Variants in KHDRBS3 observed in about 807,000 individuals in gnomAD.
KHDRBS3 encodes the protein KH domain-containing, RNA-binding, signal transduction-associated protein 3.
In KHDRBS3, 23 loss-of-function variants were observed where a neutral mutation model predicts 45.6. The ratio of observed to expected loss-of-function variants is 0.50; its 90% CI spans 0.36 to 0.72. The LOEUF (loss-of-function observed/expected upper bound fraction) is 0.72. Among genes scored for constraint, KHDRBS3 ranks in the 30% least tolerant of loss-of-function variants. The pLI, the probability that KHDRBS3 is intolerant of heterozygous loss-of-function variation, is 0.00. For missense variants in KHDRBS3, 352 were observed against 424.8 expected, an observed-to-expected ratio of 0.83 and a Z score of 1.51; for synonymous variants, 162 against 156.5, an observed-to-expected ratio of 1.04 and a Z score of -0.26.
chr8:135,644,686 T>A (rs1205968214), intron 7 of KHDRBS3, among the ~76,000 whole-genome samples: 1 of 152,222 alleles, frequency 6.6e-6, no homozygotes, highest in Admixed American at 6.5e-5. Flanking sequence ...CCCTAGCTCT[T>A]GGCACACTGG....
chr8:135,527,141 T>TAA (rs1196145487), intron 2 of KHDRBS3, among the ~76,000 whole-genome samples: 4 of 152,192 alleles, frequency 2.6e-5, no homozygotes. Flanking sequence ...CTAGCATTTA[T>TAA]AAAGAGTCTT....
At chr8:135,650,152 CAG>C (rs2131217406), downstream of KHDRBS3, among the ~76,000 whole-genome samples, 1 of 152,258 alleles carries the variant, frequency 6.6e-6, no homozygotes, top group South Asian at 2.1e-4. Context: ...CTGGACACAA[CAG>C]AGGCACTGGT....
intron 1 of KHDRBS3, among the ~76,000 whole-genome samples, chr8:135,514,494 A>G (rs1280747129): frequency 6.6e-6 from 1 of 152,216 alleles, no homozygotes; most frequent in Admixed American, 6.5e-5. Flanking sequence ...TTCCTCTTAT[A>G]TGACACAGCT....
intron 1 of KHDRBS3, among the ~76,000 whole-genome samples, chr8:135,520,510 A>T (rs979084536): frequency 7.9e-5 from 12 of 151,604 alleles, no homozygotes; most frequent in African/African-American, 2.7e-4. Flanking sequence ...GAGGTAGCAC[A>T]TTTTTTTTTC....
At chr8:135,636,145 G>A (rs1227332611) in intron 7 of KHDRBS3, among the ~76,000 whole-genome samples, 2 of 152,138 alleles carry the variant, frequency 1.3e-5, no homozygotes, top group East Asian at 1.9e-4. Flanking sequence ...ACGTAACAAT[G>A]ATGTTTATGG....
chr8:135,620,818 A>G lies in KHDRBS3; in HGVS notation c.890+13781A>G, dbSNP rs563884059. Among the ~76,000 whole-genome samples the G allele has an allele frequency of 2.1e-4, 32 of 152,120 alleles. No individual in the cohort carries two copies. The South Asian group carries it at 5.2e-3, about 25-fold the overall frequency. ...GTACTAAGGCTTCTGTGTTTCCGCAATGCTCTGTGCTTGCTCTGTCCTCCA... is the reference window on the plus strand; with the variant it reads ...GTACTAAGGCTTCTGTGTTTCCGCAGTGCTCTGTGCTTGCTCTGTCCTCCA... On this transcript the variant is annotated intron_variant, in intron 7 of 8. Transcript: ENST00000355849.
intron 4 of KHDRBS3, among the ~76,000 whole-genome samples, chr8:135,555,359 A>G (rs578192483): frequency 6.6e-6 from 1 of 151,650 alleles, no homozygotes; most frequent in East Asian, 1.9e-4. Flanking sequence ...CTCTTAAAAT[A>G]TTGAAACATT....
At chr8:135,629,047 G>C (rs952327069) in intron 7 of KHDRBS3, among the ~76,000 whole-genome samples, 9 of 152,180 alleles carry the variant, frequency 5.9e-5, no homozygotes, top group African/African-American at 1.9e-4. Context: ...TCTTCCCTTT[G>C]ATTCAGCCAA....
chr8:135,478,295 C>G (rs954555942), intron 1 of KHDRBS3, among the ~76,000 whole-genome samples: 3 of 152,202 alleles, frequency 2.0e-5, no homozygotes, highest in Admixed American at 2.0e-4. Flanking sequence ...TGTTAAACCA[C>G]TAAGTTTGTA....
intron 6 of KHDRBS3, among the ~76,000 whole-genome samples, chr8:135,604,570 A>G (rs1487777971): frequency 7.1e-6 from 1 of 140,960 alleles, no homozygotes; most frequent in African/African-American, 2.6e-5. Context: ...CTACATTTTT[A>G]TTTTTAAATT....
chr8:135,554,259 T>C (rs1255306294), intron 4 of KHDRBS3, among the ~76,000 whole-genome samples: 9 of 152,158 alleles, frequency 5.9e-5, no homozygotes, highest in Admixed American at 5.9e-4. Flanking sequence ...AACAATACTT[T>C]TTAATTTTTA....
chr8:135,569,659 T>C (rs1232224765), intron 5 of KHDRBS3, among the ~76,000 whole-genome samples: 1 of 152,174 alleles, frequency 6.6e-6, no homozygotes, highest in African/African-American at 2.4e-5. Context: ...TGAATCTACT[T>C]AGAAGGTGAG....
intron 2 of KHDRBS3, chr8:135,538,671 C>T (rs917725917): frequency 6.6e-6 from 1 of 152,124 alleles, no homozygotes; most frequent in South Asian, 2.1e-4. Flanking sequence ...ACTAGAAATG[C>T]TGAGAAACCT....
downstream of KHDRBS3, among the ~76,000 whole-genome samples, chr8:135,649,663 G>A (rs193217025): frequency 5.9e-4 from 90 of 152,162 alleles, no homozygotes; most frequent in Middle Eastern, 3.4e-3. Context: ...CCACATCTCT[G>A]TAGTGTGTGA....
chr8:135,536,216 T>G (rs2130738216), intron 2 of KHDRBS3, among the ~76,000 whole-genome samples: 1 of 149,940 alleles, frequency 6.7e-6, no homozygotes, highest in South Asian at 2.1e-4. Flanking sequence ...ACTTCAGTGT[T>G]AATTTGCTTT....
At chr8:135,543,504 GT>G (rs1464364323) in intron 3 of KHDRBS3, among the ~76,000 whole-genome samples, 1 of 152,122 alleles carries the variant, frequency 6.6e-6, no homozygotes, top group Non-Finnish European at 1.5e-5. Context: ...GAACAATGAT[GT>G]TTTAAACACA....
rs1829495598 is a variant in KHDRBS3 at position 135,607,023 on chromosome 8, C to A, written c.876C>A (p.Ser292Arg). ...QSYDSYDNSY[S>R]TPAQSGADYY... ...ATGATTCCTATGATAACAGCTATAG[C>A]ACCCCAGCCCAAAGGTAAGAGTCAG... The change falls in exon 7 of 9, where the codon AGC (serine) becomes AGA (arginine). Residue 292 changes from serine (S) to arginine (R), a missense_variant. By Grantham distance (110) the Ser-to-Arg change is moderately radical (BLOSUM62 -1). This residue lies in a region of KHDRBS3 where 212 missense variants were observed against 209.6 expected (regional missense o/e 1.01). Transcript: ENST00000355849. 1 of 1,612,610 alleles carries A rather than the reference C, an allele frequency of 6.2e-7. No homozygotes were observed. The highest frequency in any genetic ancestry group is 1.3e-5 in the African/African-American group (1 of 74,846).
rs750638025 is a variant in KHDRBS3 at position 135,457,822 on chromosome 8, C to T, written c.-45C>T. 2 of 1,359,168 alleles carry T rather than the reference C, an allele frequency of 1.5e-6. No individual in the cohort carries two copies. The highest frequency in any genetic ancestry group is 2.7e-5 in the South Asian group (2 of 73,486). The allele number at this position is 1,359,168 out of a possible 1,614,324, so 84.2% of individuals were successfully genotyped here. ...GGTCGGGGGTTGCCGGGCGCCGCCC[C>T]CCGTGCGCCTGGAGTCCACATCCCG... On this transcript the variant is annotated 5_prime_UTR_variant, in exon 1 of 9. Coordinates refer to ENST00000355849, the MANE Select transcript of KHDRBS3 (RefSeq NM_006558.3). This position sits in a 1 kb window ranked among gnomAD's most constrained non-coding sequence, Gnocchi z 4.4.
intron 7 of KHDRBS3, among the ~76,000 whole-genome samples, chr8:135,632,856 A>G (rs1181612971): frequency 6.6e-6 from 1 of 152,090 alleles, no homozygotes; most frequent in Non-Finnish European, 1.5e-5. Flanking sequence ...CTTCAGCTGT[A>G]CCAAGAATGT....
Sources: allele counts gnomAD v4.1 joint callset (sites outside exome capture counted in the v4.1 genomes callset), GRCh38; gene constraint gnomAD v4.1.1; regional missense constraint gnomAD v4.1.1; non-coding constraint Gnocchi (gnomAD v3.1); transcripts MANE v1.5; gene names NCBI Gene and HGNC (gene_info 2026-07-23, HGNC 2026-07-21).